Variants in VWA3B observed in about 807,000 individuals in gnomAD.
The protein encoded by VWA3B is von Willebrand factor A domain containing 3B, also known as von Willebrand factor A domain-containing protein 3B.
VWA3B carries 138 observed loss-of-function variants against 158.3 expected under a neutral mutation model. The ratio of observed to expected loss-of-function variants is 0.87; its 90% confidence interval spans 0.76 to 1.00. The LOEUF is 1.00. Ranked by LOEUF, VWA3B falls within the 50% of genes least tolerant of loss-of-function variation. The pLI is 0.00. For missense variants in VWA3B, 1,555 were observed against 1,565.1 expected, an observed-to-expected ratio of 0.99 and a Z score of 0.11; for synonymous variants, 596 against 587.3, an observed-to-expected ratio of 1.01 and a Z score of -0.21.
chr2:98,300,098 C>A lies in VWA3B; in HGVS notation c.3302C>A (p.Ala1101Asp), dbSNP rs774306916. Residue 1101 changes from alanine to aspartate, a missense_variant, in exon 25 of 28, where the codon GCC (alanine) becomes GAC (aspartate). Coordinates refer to ENST00000477737, the MANE Select transcript of VWA3B (RefSeq NM_144992.5). ...PLLQVGDYVF[A>D]KIVIPKGFDF... The stretch of plus-strand genomic sequence containing the variant: ...CTGCAGGTTGGAGATTATGTGTTTG[C>A]CAAAATTGTGATACCCAAAGGATTT... 6.2e-7 allele frequency: 1 copy of A among 1,614,184 alleles called. No individual in the cohort carries two copies. Among genetic ancestry groups the A allele is most frequent in the Non-Finnish European group, 8.5e-7 (1 of 1,180,032 alleles).
intron 12 of VWA3B, chr2:98,207,276 G>T (rs1201406206): frequency 4.0e-6 from 2 of 500,460 alleles, no homozygotes; most frequent in Non-Finnish European, 8.1e-6. Flanking sequence ...TTGCTCATTT[G>T]GATGCCACCA....
At position 98,194,461 on chromosome 2, in the gene VWA3B, A is replaced by G. The variant is rs1681867096; in HGVS notation, c.1706A>G (p.Glu569Gly). 1.2e-6 allele frequency: 2 copies of G among 1,613,994 alleles called. No homozygotes were observed. The highest frequency in any genetic ancestry group is 1.7e-6 in the Non-Finnish European group (2 of 1,179,996). Residue 569 changes from glutamate to glycine, a missense_variant, in exon 12 of 28, where the codon GAA becomes GGA. Physicochemically the swap from Glu to Gly is moderately conservative, Grantham distance 98. Coordinates refer to ENST00000477737, the MANE Select transcript of VWA3B (RefSeq NM_144992.5). ...QLAEVNEDNL[E>G]QAQSWIRDIK... ...GCTGAAGTCAATGAAGATAATTTGG[A>G]ACAGGCTCAGTCCTGGATTAGAGAC...
rs750811631 is a variant in VWA3B, at chr2:98,162,859, G to A, written c.997G>A (p.Val333Ile). Residue 333 changes from valine to isoleucine, a missense_variant, in exon 8 of 28, where the codon GTC (valine) becomes ATC (isoleucine). Physicochemically the swap from Val to Ile is conservative, Grantham distance 29. Transcript: ENST00000477737. ...TGTGTCTCCCCTTTTAGGAGCTGGA[G>A]TCAGAGAGGACGTGTTTCTCGTTTG... The part of the protein sequence containing the change: ...LKGKLPPGAG[V>I]REDVFLVWQE... 39 of 1,613,524 alleles carry A rather than the reference G, an allele frequency of 2.4e-5. No homozygotes were observed. In the South Asian group the frequency reaches 4.0e-4, roughly 16 times the overall value.
chr2:98,248,882 TCTC>T (rs1686608201), intron 19 of VWA3B, among the ~76,000 whole-genome samples: 1 of 7,634 alleles, frequency 1.3e-4, no homozygotes, highest in African/African-American at 1.2e-3. Flanking sequence ...TTTCTTTCTT[TCTC>T]TCTTTCCTTT....
At chr2:98,116,693 AC>A (rs1674561847) in intron 3 of VWA3B, among the ~76,000 whole-genome samples, 1 of 152,116 alleles carries the variant, frequency 6.6e-6, no homozygotes. Context: ...TTTTTTGCAG[AC>A]GGGGTCTCGC....
chr2:98,323,516 A>G, the VWA3B span, among the ~76,000 whole-genome samples: 1 of 152,146 alleles, frequency 6.6e-6, no homozygotes, highest in African/African-American at 2.4e-5. Flanking sequence ...AAAGAAAAAA[A>G]AAATCACTGG....
At chr2:98,273,340 T>C (rs777674744) in intron 22 of VWA3B, among the ~76,000 whole-genome samples, 10 of 152,258 alleles carry the variant, frequency 6.6e-5, no homozygotes, top group African/African-American at 1.2e-4. Context: ...ACATTTTTTC[T>C]TCAGTGTCAA....
chr2:98,146,713 G>A (rs1005950134), intron 7 of VWA3B, among the ~76,000 whole-genome samples: 2 of 152,132 alleles, frequency 1.3e-5, no homozygotes, highest in Non-Finnish European at 2.9e-5. Flanking sequence ...GCCCTTATCA[G>A]TATGTTATTT....
intron 2 of VWA3B, 144 bp from the exon 3 acceptor site, chr2:98,115,508 T>G: frequency 1.6e-6 from 1 of 640,226 alleles, no homozygotes. Flanking sequence ...TACTTCATGA[T>G]TTAGAACAGA....
At position 98,302,183 on chromosome 2, in the gene VWA3B, T is replaced by C. The variant is rs10193470; in HGVS notation, c.3421-1519T>C. ...CTTTTTCAAGTCCCAGGCTTTTGCC[T>C]CTTCCTGGACTGCCCTCCCCATCTC... On this transcript the variant is annotated intron_variant, in intron 25 of 27. Transcript: ENST00000477737. Among the ~76,000 whole-genome samples the C allele has an allele frequency of 5.8e-3, 780 of 134,392 alleles. 5 individuals are homozygous for C. The highest frequency in any genetic ancestry group is 0.019 in the African/African-American group (744 of 39,810). 88.2% of individuals were successfully genotyped at this position (134,392 alleles called of 152,430 possible).
In VWA3B at chr2:98,250,308, T is replaced by G. The variant is rs1346534761; in HGVS notation, c.2674-10T>G. ...GTGACACTTTCCTTTCCTTTGCCAT[T>G]GACATGCAGGTGTTCCCTCTGGCAC... On this transcript the variant is annotated splice_polypyrimidine_tract_variant and intron_variant, in intron 19 of 27. Coordinates refer to ENST00000477737, the MANE Select transcript of VWA3B (RefSeq NM_144992.5). 2 of 1,604,648 alleles carry G rather than the reference T, an allele frequency of 1.2e-6. No individual in the cohort carries two copies. Among genetic ancestry groups the G allele is most frequent in the Admixed American group, 1.7e-5 (1 of 57,964 alleles).
At chr2:98,313,484 T>TGGAA (rs1425789607), downstream of VWA3B, among the ~76,000 whole-genome samples, 1 of 152,130 alleles carries the variant, frequency 6.6e-6, no homozygotes. Context: ...AGTTGTGTCC[T>TGGAA]GGAAGGAAGG....
chr2:98,124,909 A>G (rs753593742), intron 5 of VWA3B, among the ~76,000 whole-genome samples: 14 of 152,212 alleles, frequency 9.2e-5, no homozygotes, highest in Non-Finnish European at 1.9e-4. Flanking sequence ...GCCCAGATAG[A>G]ATAAGGAATT....
intron 1 of VWA3B, among the ~76,000 whole-genome samples, chr2:98,089,753 G>A (rs1160987672): frequency 6.7e-6 from 1 of 148,930 alleles, no homozygotes; most frequent in Non-Finnish European, 1.5e-5. Context: ...GCTACAAAAC[G>A]CTGGAGGTAA....
intron 22 of VWA3B, among the ~76,000 whole-genome samples, chr2:98,288,922 G>A (rs973538851): frequency 7.2e-5 from 11 of 151,930 alleles, no homozygotes; most frequent in Admixed American, 1.3e-4. Context: ...TTAAACCATC[G>A]TGTTGTCAAT....
intron 11 of VWA3B, 40 bp downstream of exon 11, chr2:98,193,076 G>A (rs745763106): frequency 6.3e-7 from 1 of 1,578,206 alleles, no homozygotes; most frequent in South Asian, 1.2e-5. Flanking sequence ...GGGGCTTTGT[G>A]TATCAGATGG....
intron 12 of VWA3B, among the ~76,000 whole-genome samples, chr2:98,209,831 G>T (rs1446803859): frequency 3.3e-5 from 5 of 152,200 alleles, no homozygotes; most frequent in African/African-American, 7.2e-5. Flanking sequence ...CATGTTAGAA[G>T]ACTTTATTTC....
At chr2:98,297,862 A>C in intron 23 of VWA3B, 45 bp from the exon 24 acceptor site, 1 of 1,446,952 alleles carries the variant, frequency 6.9e-7, no homozygotes, top group South Asian at 1.5e-5. Context: ...AAGGGAAGGG[A>C]TGTTATTTGT....
chr2:98,319,178 G>A, the VWA3B span, among the ~76,000 whole-genome samples: 5,714 of 151,692 alleles, frequency 0.038, 133 homozygotes, highest in South Asian at 0.064. Flanking sequence ...TTAGATCCAT[G>A]CCTCACACCA....
Sources: allele counts gnomAD v4.1 joint callset (sites outside exome capture counted in the v4.1 genomes callset), GRCh38; gene constraint gnomAD v4.1.1; transcripts MANE v1.5; gene names NCBI Gene and HGNC (gene_info 2026-07-23, HGNC 2026-07-21).